Variants in PLD5 observed in about 807,000 individuals in gnomAD.
PLD5 encodes phospholipase D family member 5.
A neutral mutation model predicts 61.1 loss-of-function variants in PLD5; 36 were observed. The ratio of observed to expected loss-of-function variants is 0.59; its 90% CI spans 0.45 to 0.78. PLD5 has a LOEUF of 0.78. PLD5 is among the 30% of genes least tolerant of loss of function. PLD5 has a pLI of 0.00. For synonymous variants in PLD5, 243 were observed against 242.8 expected, an observed-to-expected ratio of 1.00 and a Z score of -0.01; for missense variants, 515 against 644.4, an observed-to-expected ratio of 0.80 and a Z score of 2.17.
At chr1:242,143,913 C>A (rs552739949) in intron 5 of PLD5, among the ~76,000 whole-genome samples, 195 of 151,756 alleles carry the variant, frequency 1.3e-3, no homozygotes, top group African/African-American at 4.4e-3. Context: ...ACGATCTTGG[C>A]TCACTACAAC....
chr1:242,477,638 G>C (rs150436574), intron 1 of PLD5, among the ~76,000 whole-genome samples: 2 of 152,304 alleles, frequency 1.3e-5, no homozygotes, highest in African/African-American at 4.8e-5. Context: ...TCAGGCAGCA[G>C]AGTGTTAAGG....
intron 1 of PLD5, among the ~76,000 whole-genome samples, chr1:242,452,004 G>A (rs752155119): frequency 1.3e-5 from 2 of 152,008 alleles, no homozygotes; most frequent in Non-Finnish European, 2.9e-5. Context: ...TTGTCCCCAC[G>A]GGGGCTTCGG....
intron 1 of PLD5, among the ~76,000 whole-genome samples, chr1:242,357,183 G>C (rs1324589968): frequency 6.6e-6 from 1 of 151,706 alleles, no homozygotes; most frequent in Non-Finnish European, 1.5e-5. Flanking sequence ...TGAAAGCTTT[G>C]GTGGTTAGAG....
chr1:242,473,820 G>A (rs1440713769), intron 1 of PLD5, among the ~76,000 whole-genome samples: 26 of 152,184 alleles, frequency 1.7e-4, no homozygotes, highest in Non-Finnish European at 2.9e-5. Flanking sequence ...AGTGGGTGCT[G>A]AGAAATACCC....
intron 5 of PLD5, among the ~76,000 whole-genome samples, chr1:242,142,763 T>C (rs1664268716): frequency 6.6e-6 from 1 of 152,070 alleles, no homozygotes; most frequent in African/African-American, 2.4e-5. Flanking sequence ...TCTCTCTGTC[T>C]CTCTGTCTGA....
chr1:242,121,900 A>T (rs765195202), intron 6 of PLD5, among the ~76,000 whole-genome samples: 43 of 134,288 alleles, frequency 3.2e-4, no homozygotes, highest in Middle Eastern at 4.2e-3. Flanking sequence ...ATGAGAACAC[A>T]TGGACACAGG....
chr1:242,168,639 A>G (rs6695018), intron 5 of PLD5, among the ~76,000 whole-genome samples: 76,760 of 151,946 alleles, frequency 0.51, 20,021 homozygotes, highest in East Asian at 0.73. Flanking sequence ...TGATATGCAA[A>G]CCAAGCTTGT....
chr1:242,236,268 C>T (rs1671636126), intron 4 of PLD5, among the ~76,000 whole-genome samples: 1 of 152,142 alleles, frequency 6.6e-6, no homozygotes. Flanking sequence ...GCTATCCAGT[C>T]TATGGTATTT....
chr1:242,177,517 A>T (rs966385993), intron 5 of PLD5, among the ~76,000 whole-genome samples: 1 of 152,162 alleles, frequency 6.6e-6, no homozygotes, highest in African/African-American at 2.4e-5. Context: ...GTACCTATGT[A>T]ACAAAACTGC....
chr1:242,473,410 C>T (rs948302226), intron 1 of PLD5, among the ~76,000 whole-genome samples: 18 of 151,898 alleles, frequency 1.2e-4, no homozygotes, highest in Admixed American at 5.9e-4. Flanking sequence ...ACAGGGCCAG[C>T]GTGAAGATTA....
chr1:242,479,597 C>T (rs1252469677), intron 1 of PLD5, among the ~76,000 whole-genome samples: 1 of 152,042 alleles, frequency 6.6e-6, no homozygotes, highest in African/African-American at 2.4e-5. Flanking sequence ...TTTTAATTCT[C>T]CCAATATTGA....
intron 9 of PLD5, among the ~76,000 whole-genome samples, chr1:242,095,129 G>T (rs994183453): frequency 6.6e-6 from 1 of 151,490 alleles, no homozygotes; most frequent in Non-Finnish European, 1.5e-5. Flanking sequence ...GTAGAGACGG[G>T]GTTTCACATT....
intron 5 of PLD5, among the ~76,000 whole-genome samples, chr1:242,212,614 G>A (rs1163333471): frequency 1.3e-5 from 2 of 151,954 alleles, no homozygotes; most frequent in South Asian, 2.1e-4. Flanking sequence ...GCCAGGCAGC[G>A]GGGTGGAGGA....
Position 242,263,789 on chromosome 1 carries a change from A to C in PLD5, c.607+1548T>G, listed in dbSNP as rs1208171355. On this transcript the variant is annotated intron_variant, in intron 4 of 9. Transcript: ENST00000536534. ...GAAATTTTAACATATAGTTCACAAT[A>C]GAAATGTAAACCAGGCCTTTATTCG... Among the ~76,000 whole-genome samples the C allele has an allele frequency of 3.9e-5, 6 of 152,264 alleles. No individual in the cohort carries two copies. In the East Asian group the frequency reaches 1.2e-3, roughly 29 times the overall value.
At chr1:242,121,305 G>A (rs1662342833) in intron 6 of PLD5, among the ~76,000 whole-genome samples, 1 of 152,088 alleles carries the variant, frequency 6.6e-6, no homozygotes, top group Admixed American at 6.5e-5. Flanking sequence ...AAAATGGTGG[G>A]AAAGATGATT....
Position 242,089,911 on chromosome 1 carries a change from G to C in PLD5, c.1554C>G (p.Pro518=), listed in dbSNP as rs373272489. 9 of 1,614,090 alleles carry C rather than the reference G, an allele frequency of 5.6e-6. No homozygotes were observed. The highest frequency in any genetic ancestry group is 7.6e-6 in the Non-Finnish European group (9 of 1,180,044). ...PNCSSLFKLK[P]LSNKTATDDT... is the part of the protein sequence containing the mutation. ...CGTCTGTGGCAGTTTTGTTGGAGAG[G>C]GGTTTGAGTTTGAACAGGCTTGAGC... Residue 518 remains proline (P), a synonymous_variant, in exon 10 of 10, where the codon CCC becomes CCG. Coordinates refer to ENST00000536534, the MANE Select transcript of PLD5 (RefSeq NM_001372062.1).
intron 1 of PLD5, among the ~76,000 whole-genome samples, chr1:242,516,650 T>C (rs1465994885): frequency 3.3e-5 from 5 of 152,214 alleles, no homozygotes; most frequent in Admixed American, 3.3e-4. Flanking sequence ...CACAGGTCTG[T>C]TTCTGCACTG....
intron 2 of PLD5, among the ~76,000 whole-genome samples, chr1:242,298,223 T>C (rs1036280048): frequency 1.8e-4 from 27 of 152,218 alleles, no homozygotes; most frequent in Admixed American, 2.0e-4. Flanking sequence ...TTCAGGCAGA[T>C]GAACGCCTCA....
At chr1:242,276,538 AAG>A (rs1436549833) in intron 3 of PLD5, among the ~76,000 whole-genome samples, 2 of 150,258 alleles carry the variant, frequency 1.3e-5, no homozygotes, top group Admixed American at 6.7e-5. Flanking sequence ...CTTGGAGCTT[AAG>A]AGAGAGAGGG....
Sources: allele counts gnomAD v4.1 joint callset (sites outside exome capture counted in the v4.1 genomes callset), GRCh38; gene constraint gnomAD v4.1.1; transcripts MANE v1.5; gene names NCBI Gene and HGNC (gene_info 2026-07-23, HGNC 2026-07-21).